Variants in RC3H2 observed in about 807,000 individuals in gnomAD.
RC3H2 encodes roquin-2.
A neutral mutation model predicts 133.3 loss-of-function variants in RC3H2; 31 were observed. That is an observed-to-expected ratio of 0.23 (90% CI 0.17 to 0.31). The LOEUF (loss-of-function observed/expected upper bound fraction) is 0.31, where lower values mean the gene tolerates loss of function less well. RC3H2 is among the 10% of genes least tolerant of loss of function. RC3H2 has a pLI of 1.00. For missense variants in RC3H2, 1,175 were observed against 1,437.2 expected (o/e 0.82, Z 2.95); for synonymous variants, 517 against 502.2 (o/e 1.03, Z -0.40).
chr9:122,888,088 C>T (rs1433414374), intron 4 of RC3H2, among the ~76,000 whole-genome samples: 2 of 152,006 alleles, frequency 1.3e-5, no homozygotes, highest in Admixed American at 1.3e-4. Context: ...GTTCTGGTGG[C>T]ATTAACATAA....
rs1829836058 is a variant in RC3H2, at chr9:122,844,871, T to C, written c.*4756A>G. On this transcript the variant is annotated 3_prime_UTR_variant, in exon 21 of 21. Coordinates refer to ENST00000357244, the MANE Select transcript of RC3H2 (RefSeq NM_001100588.3). ...AACATTACAATTTGGAAATTCAAAT[T>C]GAAATAAATGGAATAGAATTTATTC... 1 of 152,224 alleles carries C rather than the reference T, an allele frequency of 6.6e-6. No individual in the cohort carries two copies. Among genetic ancestry groups the C allele is most frequent in the Non-Finnish European group, 1.5e-5 (1 of 68,040 alleles). The allele number at this position is 152,224 out of a possible 1,614,324, so 9.4% of individuals were successfully genotyped here.
rs368233765 is a variant in RC3H2, at chr9:122,897,528, G to T, written c.-19C>A. 19 of 1,606,136 alleles carry T rather than the reference G, an allele frequency of 1.2e-5. No individual in the cohort carries two copies. The highest frequency in any genetic ancestry group is 1.1e-5 in the South Asian group (1 of 90,156). On this transcript the variant is annotated 5_prime_UTR_variant, in exon 2 of 21. Coordinates refer to ENST00000357244, the MANE Select transcript of RC3H2 (RefSeq NM_001100588.3). Reference sequence around the variant, plus strand: ...CAGGCATTGTGGAAGCTGGATGCTCGGGTTAGCAGTCTAGCAGATCATTAT... The same window carrying T: ...CAGGCATTGTGGAAGCTGGATGCTCTGGTTAGCAGTCTAGCAGATCATTAT...
chr9:122,882,757 G>C (rs943008869), intron 5 of RC3H2, among the ~76,000 whole-genome samples: 2 of 152,162 alleles, frequency 1.3e-5, no homozygotes, highest in African/African-American at 4.8e-5. Context: ...TTTCCTGGTT[G>C]TATCTGAGAT....
intron 10 of RC3H2, among the ~76,000 whole-genome samples, chr9:122,861,050 TG>T: frequency 6.6e-6 from 1 of 152,282 alleles, no homozygotes; most frequent in African/African-American, 2.4e-5. Flanking sequence ...AAATACTTGC[TG>T]GGTGAATGAA....
chr9:122,854,615 T>G lies in RC3H2; in HGVS notation c.2816A>C (p.Asp939Ala). 6.2e-7 allele frequency: 1 copy of G among 1,605,106 alleles called. No individual in the cohort carries two copies. Among genetic ancestry groups the G allele is most frequent in the East Asian group, 2.2e-5 (1 of 44,828 alleles). Residue 939 changes from aspartate (D) to alanine (A), a missense_variant and splice_region_variant, in exon 16 of 21, where the codon GAT becomes GCT. Coordinates refer to ENST00000357244, the MANE Select transcript of RC3H2 (RefSeq NM_001100588.3). ...AACAGCATTGACATAAGGGACATAA[T>G]CTACAGACATGTAGAATGAAACAAT... ...GSATKPISVS[D>A]YVPYVNAVDS...
rs1293202584 is a variant in RC3H2, at chr9:122,845,687, C to T, written c.*3940G>A. 2.0e-5 allele frequency: 3 copies of T among 152,110 alleles called. No homozygotes were observed. The highest frequency in any genetic ancestry group is 4.8e-5 in the African/African-American group (2 of 41,422). The allele number at this position is 152,110 out of a possible 1,614,324, so 9.4% of individuals were successfully genotyped here. A position where few individuals can be genotyped will look rare whatever the true frequency, so the allele number is the denominator to read the frequency against. On this transcript the variant is annotated 3_prime_UTR_variant, in exon 21 of 21. Transcript: ENST00000357244. ...TGCCAGCAAAGGGATACAAGGAAGA[C>T]GCTAGTATAAAGACATTACTAGCAA...
intron 10 of RC3H2, among the ~76,000 whole-genome samples, chr9:122,861,889 G>A (rs1467249274): frequency 6.6e-6 from 1 of 152,190 alleles, no homozygotes; most frequent in Non-Finnish European, 1.5e-5. Flanking sequence ...AGGGTTTAGA[G>A]TATAAAGATA....
chr9:122,850,282 T>C (rs559466727), intron 20 of RC3H2, among the ~76,000 whole-genome samples: 1 of 152,044 alleles, frequency 6.6e-6, no homozygotes, highest in East Asian at 1.9e-4. Flanking sequence ...GCTTGAAAAG[T>C]CCTGTTTTCC....
chr9:122,880,315 A>G, intron 6 of RC3H2, 190 bp from the exon 7 acceptor site: 2 of 833,410 alleles, frequency 2.4e-6, no homozygotes, highest in Non-Finnish European at 4.1e-6. Context: ...ACACTTAGAA[A>G]ACTTATAAGC....
rs769006184 is a variant in RC3H2 at position 122,877,324 on chromosome 9, G to A, written c.1325+147C>T. 5.7e-5 allele frequency: 35 copies of A among 613,142 alleles called. 1 individual carries two copies. The highest frequency in any genetic ancestry group is 7.4e-4 in the Middle Eastern group (2 of 2,706). The allele number at this position is 613,142 out of a possible 1,614,324, so 38.0% of individuals were successfully genotyped here. On this transcript the variant is annotated intron_variant, in intron 9 of 20. Transcript: ENST00000357244. ...CAAGCAATCCTCCTGCCTCAGCCCC[G>A]CAAACTGCTGGGACTACAGGCATGA...
intron 1 of RC3H2, among the ~76,000 whole-genome samples, chr9:122,901,094 C>G (rs1347013552): frequency 6.6e-6 from 1 of 152,200 alleles, no homozygotes; most frequent in Non-Finnish European, 1.5e-5. Context: ...TTCAGGTCTA[C>G]GGCATCTGAT....
intron 1 of RC3H2, among the ~76,000 whole-genome samples, chr9:122,899,633 T>C (rs572307084): frequency 1.3e-5 from 2 of 152,230 alleles, no homozygotes; most frequent in African/African-American, 4.8e-5. Flanking sequence ...CTTCCAACTT[T>C]AGAGATAAGC....
chr9:122,856,439 G>C (rs1283463601), intron 13 of RC3H2, among the ~76,000 whole-genome samples: 3 of 152,176 alleles, frequency 2.0e-5, no homozygotes, highest in Admixed American at 6.5e-5. Context: ...ATTTTTAGTA[G>C]AGATGAAGTT....
chr9:122,853,475 G>A (rs1163955779), intron 18 of RC3H2, among the ~76,000 whole-genome samples: 1 of 152,110 alleles, frequency 6.6e-6, no homozygotes, highest in Non-Finnish European at 1.5e-5. Context: ...TGATCAGCCA[G>A]GCACGGGGGC....
chr9:122,858,574 A>T, intron 12 of RC3H2, 95 bp downstream of exon 12: 1 of 1,014,300 alleles, frequency 9.9e-7, no homozygotes, highest in Non-Finnish European at 1.5e-6. Context: ...TAAGTCACAC[A>T]ATTAGTAAGT....
At chr9:122,886,243 C>G (rs1044619224) in intron 4 of RC3H2, among the ~76,000 whole-genome samples, 1 of 152,108 alleles carries the variant, frequency 6.6e-6, no homozygotes, top group Non-Finnish European at 1.5e-5. Flanking sequence ...GTATTTATTC[C>G]TTTTATGGCT....
intron 18 of RC3H2, among the ~76,000 whole-genome samples, chr9:122,853,125 A>G (rs866589256): frequency 0.036 from 5,462 of 151,500 alleles, 301 homozygotes; most frequent in African/African-American, 0.12. Context: ...GTCCACTCAG[A>G]GTTAAATGGC....
intron 6 of RC3H2, 197 bp downstream of exon 6, chr9:122,880,397 A>G: frequency 1.5e-6 from 1 of 687,036 alleles, no homozygotes; most frequent in Admixed American, 2.6e-5. Flanking sequence ...TTATGCTAGT[A>G]TCATGTATTT....
At chr9:122,881,143 A>G (rs1315946463) in intron 5 of RC3H2, among the ~76,000 whole-genome samples, 1 of 152,206 alleles carries the variant, frequency 6.6e-6, no homozygotes, top group African/African-American at 2.4e-5. Context: ...TCCCAGCTGA[A>G]AGCTACATGA....
Sources: allele counts gnomAD v4.1 joint callset (sites outside exome capture counted in the v4.1 genomes callset), GRCh38; gene constraint gnomAD v4.1.1; transcripts MANE v1.5; gene names NCBI Gene and HGNC (gene_info 2026-07-23, HGNC 2026-07-21).